FOXP1: variants seen among roughly 807,000 people sequenced by gnomAD.
The protein encoded by FOXP1 is forkhead box protein P1.
In FOXP1, 15 loss-of-function variants were observed where a neutral mutation model predicts 98.2. That is an observed-to-expected ratio of 0.15 (90% CI 0.10 to 0.24). The LOEUF is 0.24. Among genes scored for constraint, FOXP1 ranks in the 10% least tolerant of loss-of-function variants. The probability of loss-of-function intolerance (pLI) is 1.00; values close to 1 mark genes in which losing one functional copy is unlikely to be tolerated. For missense variants in FOXP1, 633 were observed against 848.5 expected, an observed-to-expected ratio of 0.75 and a Z score of 3.15; for synonymous variants, 371 against 314.5, an observed-to-expected ratio of 1.18 and a Z score of -1.90.
At chr3:71,371,162 C>A (rs560062935) in intron 3 of FOXP1, among the ~76,000 whole-genome samples, 1 of 152,176 alleles carries the variant, frequency 6.6e-6, no homozygotes, top group Non-Finnish European at 1.5e-5. Flanking sequence ...TCAGGTGCTG[C>A]TTCCGCCACT....
At chr3:71,502,495 T>C (rs531621294) in intron 2 of FOXP1, among the ~76,000 whole-genome samples, 27 of 152,350 alleles carry the variant, frequency 1.8e-4, no homozygotes, top group Admixed American at 2.0e-4. Flanking sequence ...TTCACACTTT[T>C]AAATTCAAAA....
rs190317240 is a variant in FOXP1, at chr3:71,248,532, G to A, written c.-11-50140C>T. On this transcript the variant is annotated intron_variant, in intron 5 of 20. Coordinates refer to ENST00000649528, the MANE Select transcript of FOXP1 (RefSeq NM_001349338.3). ...CCGAGGCAGGTGGATCACGAGCTCA[G>A]GAGTTCAAGACCAGCCTGACCAACA... is the stretch of plus-strand genomic sequence containing the variant. Among the ~76,000 whole-genome samples, 735 of 152,186 alleles carry A rather than the reference G, an allele frequency of 4.8e-3. 6 individuals are homozygous for A. Among genetic ancestry groups the A allele is most frequent in the African/African-American group, 0.017 (706 of 41,512 alleles).
intron 2 of FOXP1, among the ~76,000 whole-genome samples, chr3:71,578,177 T>C (rs960713658): frequency 2.0e-5 from 3 of 152,188 alleles, no homozygotes; most frequent in Non-Finnish European, 2.9e-5. Flanking sequence ...CTGAATGCCT[T>C]GAAGTTGCAA....
chr3:71,459,106 G>A (rs1261689167), intron 3 of FOXP1, among the ~76,000 whole-genome samples: 1 of 152,166 alleles, frequency 6.6e-6, no homozygotes, highest in African/African-American at 2.4e-5. Context: ...ATAAATGGGT[G>A]ACTTTTCTTG....
At chr3:71,363,239 A>G (rs990585224) in intron 3 of FOXP1, among the ~76,000 whole-genome samples, 1 of 152,220 alleles carries the variant, frequency 6.6e-6, no homozygotes, top group Non-Finnish European at 1.5e-5. Flanking sequence ...GCAATTCAAA[A>G]TAAGTAACAG....
At chr3:71,211,273 C>T (rs1430932871) in intron 5 of FOXP1, among the ~76,000 whole-genome samples, 1 of 152,116 alleles carries the variant, frequency 6.6e-6, no homozygotes, top group East Asian at 1.9e-4. Context: ...GTGGCGCAAT[C>T]TTGGCTCACT....
At chr3:71,206,783 C>T (rs2064069903) in intron 5 of FOXP1, among the ~76,000 whole-genome samples, 1 of 152,154 alleles carries the variant, frequency 6.6e-6, no homozygotes, top group East Asian at 1.9e-4. Context: ...CCAAAAATTA[C>T]AGATGTCTCA....
chr3:71,085,833 G>A (rs1398240644), intron 7 of FOXP1, among the ~76,000 whole-genome samples: 1 of 144,192 alleles, frequency 6.9e-6, no homozygotes, highest in African/African-American at 2.5e-5. Flanking sequence ...GGGTTCAAGC[G>A]ATTCTCCTGC....
chr3:71,030,696 C>T lies in FOXP1; in HGVS notation c.869+10632G>A, dbSNP rs559094669. ...ACTGAGGAACACATTTTTTCTTGCA[C>T]TTTGGACAACTTCCCATTTATCCTT... On this transcript the variant is annotated intron_variant, in intron 11 of 20. Coordinates refer to ENST00000649528, the MANE Select transcript of FOXP1 (RefSeq NM_001349338.3). Among the ~76,000 whole-genome samples, 7 of 152,300 alleles carry T rather than the reference C, an allele frequency of 4.6e-5. No individual in the cohort carries two copies. In the East Asian group the frequency reaches 1.3e-3, roughly 29 times the overall value.
At position 71,094,161 on chromosome 3, in the gene FOXP1, A is replaced by G. The variant is rs573904116; in HGVS notation, c.282+18375T>C. Among the ~76,000 whole-genome samples the G allele has an allele frequency of 9.8e-5, 15 of 152,286 alleles. No homozygotes were observed. The South Asian group carries it at 3.1e-3, about 32-fold the overall frequency. On this transcript the variant is annotated intron_variant, in intron 7 of 20. Transcript: ENST00000649528. ...CGCACAGTCTCTGTCGCACCCACTC[A>G]TCTCTGCTGAAAGCAGCCATAGACA...
At chr3:71,413,000 C>A (rs1045320206) in intron 3 of FOXP1, among the ~76,000 whole-genome samples, 9 of 152,034 alleles carry the variant, frequency 5.9e-5, no homozygotes, top group African/African-American at 2.2e-4. Context: ...TTCTGATGTA[C>A]AGGAATGACT....
chr3:71,031,721 A>G (rs6549372), intron 11 of FOXP1, among the ~76,000 whole-genome samples: 38,529 of 152,108 alleles, frequency 0.25, 11,567 homozygotes, highest in African/African-American at 0.73. Flanking sequence ...ACAATGGAAA[A>G]TGCTAAACAA....
At chr3:71,521,079 C>A (rs1263830674) in intron 2 of FOXP1, among the ~76,000 whole-genome samples, 1 of 152,062 alleles carries the variant, frequency 6.6e-6, no homozygotes, top group Non-Finnish European at 1.5e-5. Flanking sequence ...CAGAGAAATA[C>A]AATTAAAATG....
chr3:71,338,670 G>A (rs1044049848), intron 4 of FOXP1, among the ~76,000 whole-genome samples: 14 of 151,884 alleles, frequency 9.2e-5, no homozygotes, highest in Non-Finnish European at 2.9e-5. Flanking sequence ...AACCCGCCTC[G>A]GCCTCCCAAA....
intron 2 of FOXP1, among the ~76,000 whole-genome samples, chr3:71,542,708 C>G (rs142035333): frequency 6.6e-6 from 1 of 152,146 alleles, no homozygotes; most frequent in African/African-American, 2.4e-5. Flanking sequence ...GGCAGGCAGG[C>G]GCAGGCTGGG....
At chr3:71,219,013 C>T (rs1020011447) in intron 5 of FOXP1, among the ~76,000 whole-genome samples, 6 of 152,224 alleles carry the variant, frequency 3.9e-5, no homozygotes, top group African/African-American at 1.4e-4. Flanking sequence ...GCTCTGAAAT[C>T]AAGCTAGCTC....
intron 5 of FOXP1, among the ~76,000 whole-genome samples, chr3:71,258,078 G>A (rs1449346084): frequency 6.6e-6 from 1 of 152,142 alleles, no homozygotes; most frequent in Non-Finnish European, 1.5e-5. Flanking sequence ...TATGCTCTGG[G>A]CACACAAAAA....
chr3:71,038,685 A>G (rs1173454802), intron 11 of FOXP1, among the ~76,000 whole-genome samples: 2 of 150,446 alleles, frequency 1.3e-5, no homozygotes, highest in Non-Finnish European at 3.0e-5. Flanking sequence ...TAATTAAGAG[A>G]CAGGATCTTG....
At chr3:71,047,247 G>C (rs981576082) in intron 9 of FOXP1, 152 bp from the exon 10 acceptor site, 1 of 863,554 alleles carries the variant, frequency 1.2e-6, no homozygotes, top group African/African-American at 1.7e-5. Context: ...AAGGGACAAA[G>C]CATACCTCCT....
Sources: allele counts gnomAD v4.1 joint callset (sites outside exome capture counted in the v4.1 genomes callset), GRCh38; gene constraint gnomAD v4.1.1; transcripts MANE v1.5; gene names NCBI Gene and HGNC (gene_info 2026-07-23, HGNC 2026-07-21).